MMP26: variants seen among roughly 807,000 people sequenced by gnomAD.
The protein encoded by MMP26 is matrix metallopeptidase 26, also known as matrix metalloproteinase-26.
A neutral mutation model predicts 31.0 loss-of-function variants in MMP26; 33 were observed. The ratio of observed to expected loss-of-function variants is 1.06; its 90% CI spans 0.81 to 1.42. MMP26 has a LOEUF of 1.42. Ranked by LOEUF, MMP26 falls within the 40% of genes most tolerant of loss-of-function variation. The pLI, the probability that MMP26 is intolerant of heterozygous loss-of-function variation, is 0.00. For synonymous variants in MMP26, 122 were observed against 114.9 expected (o/e 1.06, Z -0.40); for missense variants, 347 against 316.1 (o/e 1.10, Z -0.74).
At chr11:4,808,388 C>G (rs913019382) in intron 2 of MMP26, among the ~76,000 whole-genome samples, 1 of 152,030 alleles carries the variant, frequency 6.6e-6, no homozygotes, top group African/African-American at 2.4e-5. Context: ...AGAGGAAGAT[C>G]TGAACTTGGA....
chr11:4,785,824 A>T (rs12801757), intron 2 of MMP26, among the ~76,000 whole-genome samples: 2 of 151,994 alleles, frequency 1.3e-5, no homozygotes, highest in Non-Finnish European at 2.9e-5. Flanking sequence ...CTCCTCTGGG[A>T]TATGTTTTCG....
At chr11:4,748,243 AGAAAGAAATAGAAAACC>A (rs1188775337) in intron 1 of MMP26, among the ~76,000 whole-genome samples, 2 of 152,138 alleles carry the variant, frequency 1.3e-5, no homozygotes, top group Non-Finnish European at 2.9e-5. Context: ...AGACTGAACC[AGAAAGAAATAGAAAACC>A]GAACAGACTA....
At position 4,848,699 on chromosome 11, in the gene MMP26, C is replaced by T. The variant is rs1412940173; in HGVS notation, c.-145+81358C>T. ...GGAGGCAGTAGGGCATGTAGGCCAG[C>T]AGGAATGGCAGGGGCAGATGGAGAC... On this transcript the variant is annotated intron_variant, in intron 2 of 7. Transcript: ENST00000380390. 4 of 1,613,986 alleles carry T rather than the reference C, an allele frequency of 2.5e-6. No individual in the cohort carries two copies. The Admixed American group carries it at 5.0e-5, about 20-fold the overall frequency.
intron 2 of MMP26, among the ~76,000 whole-genome samples, chr11:4,962,748 G>A (rs1350355292): frequency 6.6e-6 from 1 of 152,150 alleles, no homozygotes; most frequent in African/African-American, 2.4e-5. Context: ...TACATTGTTG[G>A]ACTTTTTGAC....
intron 2 of MMP26, chr11:4,848,232 C>T (rs550018685): frequency 6.3e-7 from 1 of 1,593,778 alleles, no homozygotes. Flanking sequence ...GGAGGGACAT[C>T]CTACTCACTG....
At chr11:4,814,429 C>T (rs1272109108) in intron 2 of MMP26, among the ~76,000 whole-genome samples, 1 of 151,814 alleles carries the variant, frequency 6.6e-6, no homozygotes, top group African/African-American at 2.4e-5. Flanking sequence ...GAATGAAGAA[C>T]TGAAAAAAAG....
chr11:4,863,288 A>C (rs531032293), intron 2 of MMP26, among the ~76,000 whole-genome samples: 1 of 150,700 alleles, frequency 6.6e-6, no homozygotes, highest in African/African-American at 2.5e-5. Context: ...ATCTTCTTTA[A>C]TTTTCAGACC....
At chr11:4,960,427 G>C (rs1830004942) in intron 2 of MMP26, among the ~76,000 whole-genome samples, 1 of 151,632 alleles carries the variant, frequency 6.6e-6, no homozygotes, top group East Asian at 2.0e-4. Flanking sequence ...GACATGCAAA[G>C]ACCTGCTCTC....
At chr11:4,859,149 G>A (rs890546592) in intron 2 of MMP26, among the ~76,000 whole-genome samples, 12 of 152,118 alleles carry the variant, frequency 7.9e-5, no homozygotes, top group African/African-American at 2.7e-4. Flanking sequence ...TTCCATTCAG[G>A]ACATAGGCGT....
Position 4,863,263 on chromosome 11 carries a change from A to C in MMP26, c.-145+95922A>C, listed in dbSNP as rs147845491. Among the ~76,000 whole-genome samples the C allele has an allele frequency of 1.2e-4, 18 of 151,064 alleles. 1 individual carries two copies. The highest frequency in any genetic ancestry group is 1.1e-3 in the Admixed American group (17 of 15,172). On this transcript the variant is annotated intron_variant, in intron 2 of 7. Transcript: ENST00000380390. ...TTTTTCATTCTTATCTCCATTCTTC[A>C]TCTTCCTTCTTTTAATCTTCTTTAA...
intron 2 of MMP26, chr11:4,945,983 C>T: frequency 1.6e-6 from 1 of 642,778 alleles, no homozygotes; most frequent in Non-Finnish European, 2.7e-6. Flanking sequence ...GGACATAAGG[C>T]AACGTACTTC....
At chr11:4,819,488 G>A (rs1444217178) in intron 2 of MMP26, among the ~76,000 whole-genome samples, 1 of 150,404 alleles carries the variant, frequency 6.6e-6, no homozygotes, top group Non-Finnish European at 1.5e-5. Context: ...AAAATAATGA[G>A]GGAGAGAAAA....
chr11:4,770,325 T>C (rs1031978112), intron 2 of MMP26, among the ~76,000 whole-genome samples: 11 of 152,258 alleles, frequency 7.2e-5, no homozygotes, highest in African/African-American at 2.7e-4. Context: ...AAAATATCCA[T>C]GGTTCTTCAG....
At chr11:4,909,165 A>T (rs1850952714) in intron 2 of MMP26, 3 of 152,068 alleles carry the variant, frequency 2.0e-5, no homozygotes. Context: ...CCCCTCTAAT[A>T]TGTTCTTAAA....
intron 2 of MMP26, among the ~76,000 whole-genome samples, chr11:4,858,417 T>A (rs1850089527): frequency 6.6e-6 from 1 of 152,062 alleles, no homozygotes; most frequent in Non-Finnish European, 1.5e-5. Flanking sequence ...TCACAAGCAT[T>A]CCTATACACC....
intron 2 of MMP26, among the ~76,000 whole-genome samples, chr11:4,808,245 C>T (rs1463257086): frequency 6.6e-6 from 1 of 152,100 alleles, no homozygotes; most frequent in Admixed American, 6.5e-5. Context: ...GCAGCCAGTG[C>T]TCTTGGTGGT....
intron 1 of MMP26, among the ~76,000 whole-genome samples, chr11:4,708,973 TG>T (rs1387639502): frequency 2.0e-5 from 3 of 152,224 alleles, no homozygotes; most frequent in African/African-American, 7.2e-5. Context: ...TAGATTTAAT[TG>T]TTTCTTTCCT....
intron 2 of MMP26, chr11:4,943,512 C>G (rs183476330): frequency 2.2e-6 from 1 of 456,062 alleles, no homozygotes; most frequent in Non-Finnish European, 4.4e-6. Context: ...GCACCACTGA[C>G]ATTTTGTGCT....
intron 1 of MMP26, among the ~76,000 whole-genome samples, chr11:4,714,805 A>G (rs1248801677): frequency 3.9e-5 from 6 of 152,112 alleles, no homozygotes; most frequent in East Asian, 1.9e-4. Context: ...TTATCTTGGT[A>G]TAATAGGAAG....
Sources: gnomAD v4.1 joint callset for allele counts (sites outside exome capture counted in the v4.1 genomes callset) on GRCh38, gnomAD v4.1.1 for gene constraint, MANE v1.5 for transcripts, NCBI Gene and HGNC (gene_info 2026-07-23, HGNC 2026-07-21) for gene names.